KCNJ15: variants seen among roughly 807,000 people sequenced by gnomAD.
KCNJ15 encodes ATP-sensitive inward rectifier potassium channel 15.
In KCNJ15, 14 loss-of-function variants were observed where a neutral mutation model predicts 23.0. The observed-to-expected ratio is 0.61, with a 90% confidence interval of 0.40 to 0.95. KCNJ15 has a LOEUF of 0.95. Ranked by LOEUF, KCNJ15 falls within the 40% of genes least tolerant of loss-of-function variation. The pLI is 0.00. For missense variants in KCNJ15, 388 were observed against 461.8 expected (o/e 0.84, Z 1.46); for synonymous variants, 185 against 183.2 (o/e 1.01, Z -0.08).
chr21:38,272,023 A>G (rs1416816347), intron 1 of KCNJ15, among the ~76,000 whole-genome samples: 1 of 152,246 alleles, frequency 6.6e-6, no homozygotes, highest in Non-Finnish European at 1.5e-5. Flanking sequence ...TTACTAAAGT[A>G]TGAGGCTTGA....
chr21:38,260,879 G>C (rs1188608010), intron 1 of KCNJ15, among the ~76,000 whole-genome samples: 3 of 152,108 alleles, frequency 2.0e-5, no homozygotes, highest in Non-Finnish European at 2.9e-5. Flanking sequence ...TAATGTGCAG[G>C]GATCCGCATA....
At chr21:38,259,024 C>T (rs540771744) in intron 1 of KCNJ15, among the ~76,000 whole-genome samples, 100 of 151,458 alleles carry the variant, frequency 6.6e-4, no homozygotes, top group East Asian at 2.1e-3. Context: ...TGTGTGTGTG[C>T]GCGTGTGTGT....
At chr21:38,296,798 A>G (rs941453081) in intron 1 of KCNJ15, 128 bp from the exon 2 acceptor site, 2 of 152,542 alleles carry the variant, frequency 1.3e-5, no homozygotes, top group Non-Finnish European at 2.9e-5. Flanking sequence ...TATTCTGTGC[A>G]CTGTGCCGAT....
At chr21:38,267,113 G>A (rs1177387535) in intron 1 of KCNJ15, among the ~76,000 whole-genome samples, 1 of 152,194 alleles carries the variant, frequency 6.6e-6, no homozygotes, top group African/African-American at 2.4e-5. Context: ...GTGCAAGGGA[G>A]ATTCAGCAGG....
At chr21:38,275,508 C>T (rs1321919135) in intron 1 of KCNJ15, among the ~76,000 whole-genome samples, 7 of 106,556 alleles carry the variant, frequency 6.6e-5, no homozygotes, top group African/African-American at 2.4e-4. Context: ...GGCGACAGAC[C>T]GAAACTCCGT....
rs576709021 is a variant in KCNJ15, at chr21:38,268,550, GAAAAAAAAAA to G, written c.-117+11383_-117+11392del. Reference sequence around the variant, plus strand: ...TATCTGACAAGAGTACTTAAAATCTGAAAAAAAAAAAAAAAAAAAAAAAAAAAGAAAGTGG... The same window carrying G: ...TATCTGACAAGAGTACTTAAAATCTGAAAAAAAAAAAAAAAAAGAAAGTGG... On this transcript the variant is annotated intron_variant, in intron 1 of 2. Transcript: ENST00000398938. Among the ~76,000 whole-genome samples the G allele has an allele frequency of 4.3e-3, 205 of 47,276 alleles. 1 individual carries two copies. The highest frequency in any genetic ancestry group is 8.4e-3 in the Non-Finnish European group (166 of 19,680). 31.0% of individuals were successfully genotyped at this position (47,276 alleles called of 152,430 possible).
chr21:38,251,177 T>C (rs1979807118), intron 1 of KCNJ15, among the ~76,000 whole-genome samples: 1 of 152,220 alleles, frequency 6.6e-6, no homozygotes, highest in African/African-American at 2.4e-5. Flanking sequence ...ATTGCTTTTC[T>C]ATTTGCCAGC....
intron 1 of KCNJ15, among the ~76,000 whole-genome samples, chr21:38,232,928 T>A (rs1031438267): frequency 1.1e-4 from 16 of 152,120 alleles, no homozygotes; most frequent in Admixed American, 2.6e-4. Flanking sequence ...TATTCTACTG[T>A]TTGTGGGCGG....
At chr21:38,273,368 G>A (rs545514007) in intron 1 of KCNJ15, among the ~76,000 whole-genome samples, 1 of 152,308 alleles carries the variant, frequency 6.6e-6, no homozygotes, top group East Asian at 1.9e-4. Flanking sequence ...ATTAATCTTA[G>A]TGCAGGAAGA....
intron 1 of KCNJ15, among the ~76,000 whole-genome samples, chr21:38,239,400 A>G (rs1274868546): frequency 2.0e-5 from 3 of 152,218 alleles, no homozygotes; most frequent in Non-Finnish European, 4.4e-5. Context: ...CTAGCAGTCT[A>G]GAGGACTCCC....
chr21:38,255,413 A>G (rs893314626), upstream of KCNJ15, among the ~76,000 whole-genome samples: 3 of 152,204 alleles, frequency 2.0e-5, no homozygotes, highest in East Asian at 3.8e-4. Flanking sequence ...CGGGAGGTCT[A>G]TCTGATTCTA....
At chr21:38,272,600 T>C (rs1982222506) in intron 1 of KCNJ15, 1 of 152,200 alleles carries the variant, frequency 6.6e-6, no homozygotes, top group South Asian at 2.1e-4. Flanking sequence ...ATCAGGGTAG[T>C]GCAAAGGAAG....
chr21:38,271,222 C>G (rs968800518), intron 1 of KCNJ15, among the ~76,000 whole-genome samples: 1 of 152,228 alleles, frequency 6.6e-6, no homozygotes, highest in Non-Finnish European at 1.5e-5. Context: ...TCATAGAAAG[C>G]TAAAACTTAA....
chr21:38,295,382 A>G (rs1252977660), intron 1 of KCNJ15, among the ~76,000 whole-genome samples: 2 of 152,216 alleles, frequency 1.3e-5, no homozygotes, highest in Non-Finnish European at 2.9e-5. Flanking sequence ...TTTTTCCGAA[A>G]TAGACAATTC....
At chr21:38,268,847 T>G (rs1981778071) in intron 1 of KCNJ15, 1 of 152,298 alleles carries the variant, frequency 6.6e-6, no homozygotes, top group Non-Finnish European at 1.5e-5. Flanking sequence ...CTCTCTCCAC[T>G]CCAGGATGCC....
intron 1 of KCNJ15, among the ~76,000 whole-genome samples, chr21:38,284,705 C>A (rs1009916885): frequency 6.6e-6 from 1 of 152,154 alleles, no homozygotes; most frequent in Admixed American, 6.5e-5. Context: ...TCAAGGAGCC[C>A]ACAAAGCCAC....
At chr21:38,243,724 T>C (rs1383715420) in intron 1 of KCNJ15, among the ~76,000 whole-genome samples, 1 of 152,164 alleles carries the variant, frequency 6.6e-6, no homozygotes, top group Non-Finnish European at 1.5e-5. Context: ...GCCCAGCCTA[T>C]ATTTCTTTAT....
intron 1 of KCNJ15, among the ~76,000 whole-genome samples, chr21:38,236,999 A>G (rs1228203450): frequency 6.6e-6 from 1 of 152,010 alleles, no homozygotes; most frequent in African/African-American, 2.4e-5. Flanking sequence ...GTTCCTTTTC[A>G]TTTCTACTCA....
intron 1 of KCNJ15, among the ~76,000 whole-genome samples, chr21:38,284,789 C>T (rs1983717860): frequency 6.6e-6 from 1 of 152,198 alleles, no homozygotes; most frequent in Non-Finnish European, 1.5e-5. Flanking sequence ...CAATATCCTC[C>T]TCGTTTCCTG....
Sources: gnomAD v4.1 joint callset for allele counts (sites outside exome capture counted in the v4.1 genomes callset) on GRCh38, gnomAD v4.1.1 for gene constraint, MANE v1.5 for transcripts, NCBI Gene and HGNC (gene_info 2026-07-23, HGNC 2026-07-21) for gene names.